Variants in TRIM44 observed in about 807,000 individuals in gnomAD.
TRIM44 encodes tripartite motif-containing protein 44.
In TRIM44, 13 loss-of-function variants were observed where a neutral mutation model predicts 37.4. The ratio of observed to expected loss-of-function variants is 0.35; its 90% CI spans 0.23 to 0.55. The LOEUF (loss-of-function observed/expected upper bound fraction) is 0.55, where lower values mean the gene tolerates loss of function less well. Among genes scored for constraint, TRIM44 ranks in the 20% least tolerant of loss-of-function variants. The probability of loss-of-function intolerance (pLI) is 0.89; values close to 1 mark genes in which losing one functional copy is unlikely to be tolerated. For synonymous variants in TRIM44, 175 were observed against 157.2 expected (o/e 1.11, Z -0.85); for missense variants, 426 against 437.2 (o/e 0.97, Z 0.23).
chr11:35,704,635 TCCAGAATTACA>T, intron 2 of TRIM44, among the ~76,000 whole-genome samples: 1 of 152,244 alleles, frequency 6.6e-6, no homozygotes, highest in South Asian at 2.1e-4. Flanking sequence ...GAATTTTCAA[TCCAGAATTACA>T]TATCCAGCCA....
At chr11:35,675,114 A>G (rs1207349972) in intron 1 of TRIM44, among the ~76,000 whole-genome samples, 2 of 152,304 alleles carry the variant, frequency 1.3e-5, no homozygotes, top group South Asian at 2.1e-4. Context: ...GGCTAGAACT[A>G]TATGTTATTC....
intron 4 of TRIM44, among the ~76,000 whole-genome samples, chr11:35,744,347 T>A (rs1345597484): frequency 1.3e-5 from 2 of 152,232 alleles, no homozygotes; most frequent in Non-Finnish European, 2.9e-5. Context: ...TCTTAAATGT[T>A]CTTAACACAA....
chr11:35,708,652 A>G (rs879834590), intron 2 of TRIM44, among the ~76,000 whole-genome samples: 29 of 151,642 alleles, frequency 1.9e-4, no homozygotes, highest in Non-Finnish European at 3.5e-4. Flanking sequence ...TCAGTAAACT[A>G]TCGTAAGAAC....
At chr11:35,748,354 C>T (rs1590565677) in intron 4 of TRIM44, among the ~76,000 whole-genome samples, 2 of 152,298 alleles carry the variant, frequency 1.3e-5, no homozygotes, top group African/African-American at 2.4e-5. Context: ...TGTTTAGGTA[C>T]TTAATCATCA....
In TRIM44 at chr11:35,683,782, G is replaced by A. The variant is rs142058529; in HGVS notation, c.670-1477G>A. On this transcript the variant is annotated intron_variant, in intron 1 of 4. Transcript: ENST00000299413. ...ATTATTATGGCATTCATGTCTTAAG[G>A]TTATATGTTCATTCATTGATTTGTT... Among the ~76,000 whole-genome samples, 445 of 151,554 alleles carry A rather than the reference G, an allele frequency of 2.9e-3. 2 individuals carry two copies. The highest frequency in any genetic ancestry group is 0.01 in the African/African-American group (427 of 41,276).
At chr11:35,718,590 A>T (rs768343349) in intron 2 of TRIM44, among the ~76,000 whole-genome samples, 1 of 152,006 alleles carries the variant, frequency 6.6e-6, no homozygotes, top group Non-Finnish European at 1.5e-5. Context: ...TTATCACCCA[A>T]AGTTTATAGT....
chr11:35,794,213 G>T (rs568505023), intron 4 of TRIM44, among the ~76,000 whole-genome samples: 1 of 152,296 alleles, frequency 6.6e-6, no homozygotes, highest in East Asian at 1.9e-4. Flanking sequence ...CATGAATTAA[G>T]TATCCCCTCA....
In TRIM44 at chr11:35,663,060, G is replaced by C. The variant is rs1851288493; in HGVS notation, c.-52G>C. ...AGGAGGAAGTGAGGCCGCGCGGAAG[G>C]AAGGCGGCGAGCCCCGGGGCCCCGA... On this transcript the variant is annotated 5_prime_UTR_variant, in exon 1 of 5. Transcript: ENST00000299413. 6.8e-7 allele frequency: 1 copy of C among 1,469,574 alleles called. No individual in the cohort carries two copies. Among genetic ancestry groups the C allele is most frequent in the African/African-American group, 1.4e-5 (1 of 70,792 alleles). 91.0% of individuals were successfully genotyped at this position (1,469,574 alleles called of 1,614,324 possible). A position where few individuals can be genotyped will look rare whatever the true frequency, so the allele number is the denominator to read the frequency against.
intron 4 of TRIM44, among the ~76,000 whole-genome samples, chr11:35,757,339 T>G (rs1245917595): frequency 2.6e-5 from 4 of 152,124 alleles, no homozygotes; most frequent in African/African-American, 7.2e-5. Flanking sequence ...CTGTGGGATC[T>G]GTGGTGATAT....
chr11:35,705,431 T>C (rs1455035926), intron 2 of TRIM44, among the ~76,000 whole-genome samples: 10 of 152,232 alleles, frequency 6.6e-5, no homozygotes, highest in Non-Finnish European at 1.0e-4. Context: ...ATCTACAGAA[T>C]TCTCCACCCC....
chr11:35,666,093 C>T (rs756200575), intron 1 of TRIM44, among the ~76,000 whole-genome samples: 3 of 152,018 alleles, frequency 2.0e-5, no homozygotes, highest in Non-Finnish European at 4.4e-5. Flanking sequence ...GAAGTAGGGG[C>T]GCAATTTCAT....
intron 4 of TRIM44, among the ~76,000 whole-genome samples, chr11:35,738,343 T>C (rs1852351455): frequency 6.6e-6 from 1 of 150,650 alleles, no homozygotes; most frequent in African/African-American, 2.5e-5. Context: ...TTTGACAAGA[T>C]AATGGAAAGG....
At chr11:35,713,715 T>C (rs940553076) in intron 2 of TRIM44, among the ~76,000 whole-genome samples, 8 of 152,178 alleles carry the variant, frequency 5.3e-5, no homozygotes, top group African/African-American at 1.9e-4. Context: ...TTAAGAGCAC[T>C]GTGGTTCTTG....
intron 2 of TRIM44, among the ~76,000 whole-genome samples, chr11:35,719,806 T>C (rs1339055683): frequency 6.6e-6 from 1 of 152,184 alleles, no homozygotes; most frequent in Non-Finnish European, 1.5e-5. Context: ...TTCACAACTA[T>C]CTTTTCTCTA....
chr11:35,728,793 A>G (rs55967702), intron 3 of TRIM44, among the ~76,000 whole-genome samples: 1,635 of 152,330 alleles, frequency 0.011, 31 homozygotes, highest in African/African-American at 0.038. Flanking sequence ...GATTATGCCT[A>G]TGTACCTACC....
At chr11:35,686,848 A>G (rs892516871) in intron 2 of TRIM44, among the ~76,000 whole-genome samples, 2 of 152,122 alleles carry the variant, frequency 1.3e-5, no homozygotes, top group African/African-American at 4.8e-5. Context: ...GTGAGCCACC[A>G]CACCTGGCCA....
intron 4 of TRIM44, among the ~76,000 whole-genome samples, chr11:35,763,468 A>C (rs1278274175): frequency 6.6e-6 from 1 of 152,210 alleles, no homozygotes; most frequent in South Asian, 2.1e-4. Flanking sequence ...ACTAGCTTCC[A>C]AAATTAGCTG....
At chr11:35,801,352 A>T (rs369978573) in intron 4 of TRIM44, among the ~76,000 whole-genome samples, 1 of 152,162 alleles carries the variant, frequency 6.6e-6, no homozygotes, top group Non-Finnish European at 1.5e-5. Flanking sequence ...TGAGTTAAAT[A>T]ATCCTTTTAC....
chr11:35,705,433 C>T (rs1442373780), intron 2 of TRIM44, among the ~76,000 whole-genome samples: 1 of 152,206 alleles, frequency 6.6e-6, no homozygotes, highest in Non-Finnish European at 1.5e-5. Flanking sequence ...CTACAGAATT[C>T]TCCACCCCAA....
Sources: gnomAD v4.1 joint callset for allele counts (sites outside exome capture counted in the v4.1 genomes callset) on GRCh38, gnomAD v4.1.1 for gene constraint, MANE v1.5 for transcripts, NCBI Gene and HGNC (gene_info 2026-07-23, HGNC 2026-07-21) for gene names.